The following LANCL3 variants were observed in gnomAD, a reference collection of about 807,000 sequenced individuals.
The protein encoded by LANCL3 is LanC like family member 3.
A neutral mutation model predicts 26.5 loss-of-function variants in LANCL3; 19 were observed. The ratio of observed to expected loss-of-function variants is 0.72; its 90% CI spans 0.50 to 1.05. LANCL3 has a LOEUF of 1.05. Among genes scored for constraint, LANCL3 ranks in the 50% least tolerant of loss-of-function variants. The probability of loss-of-function intolerance (pLI) is 0.00; values close to 1 mark genes in which losing one functional copy is unlikely to be tolerated. For synonymous variants in LANCL3, 160 were observed against 166.6 expected (o/e 0.96, Z 0.30); for missense variants, 318 against 362.7 (o/e 0.88, Z 1.00).
intron 2 of LANCL3, among the ~76,000 whole-genome samples, chrX:37,658,734 G>C (rs1204997068): frequency 8.9e-6 from 1 of 112,071 alleles, no homozygotes; most frequent in Non-Finnish European, 1.9e-5. Context: ...CGTTTCATTG[G>C]ACTGGATGGA....
intron 1 of LANCL3, among the ~76,000 whole-genome samples, chrX:37,618,310 G>A (rs1925063097): frequency 8.9e-6 from 1 of 112,288 alleles, no homozygotes; most frequent in Non-Finnish European, 1.9e-5. Flanking sequence ...ACACTGAATT[G>A]CTAAAACAGT....
intron 1 of LANCL3, among the ~76,000 whole-genome samples, chrX:37,616,724 G>C (rs1556421714): frequency 2.7e-5 from 3 of 111,963 alleles, no homozygotes; most frequent in Non-Finnish European, 5.6e-5. Flanking sequence ...CAGGAACAAG[G>C]TTAACAGTAG....
At chrX:37,583,829 C>T (rs1923975008) in intron 1 of LANCL3, among the ~76,000 whole-genome samples, 1 of 111,833 alleles carries the variant, frequency 8.9e-6, no homozygotes. Flanking sequence ...TGCCTGATTG[C>T]CCTGGCCAGA....
intron 1 of LANCL3, among the ~76,000 whole-genome samples, chrX:37,622,362 T>C (rs782537221): frequency 1.0e-4 from 11 of 108,080 alleles, no homozygotes; most frequent in South Asian, 4.0e-4. Flanking sequence ...ATAATGGAGA[T>C]TGTGCAAAAA....
At position 37,683,636 on chromosome X, in the gene LANCL3, C is replaced by T. The variant is rs1164503833; in HGVS notation, c.*7823C>T. On this transcript the variant is annotated 3_prime_UTR_variant, in exon 5 of 5. Coordinates refer to ENST00000378619, the MANE Select transcript of LANCL3 (RefSeq NM_001170331.2). The stretch of plus-strand genomic sequence containing the variant: ...GACCTCTTGCTAATTGTTATATTTC[C>T]TTAGGGGCACTTTGAGGCTCTTTCA... The T allele has an allele frequency of 1.8e-5, 2 of 111,439 alleles. No individual in the cohort carries two copies. Among genetic ancestry groups the T allele is most frequent in the East Asian group, 5.6e-4 (2 of 3,571 alleles). The allele number at this position is 111,439 out of a possible 1,213,427, so 9.2% of individuals were successfully genotyped here. A position where few individuals can be genotyped will look rare whatever the true frequency, so the allele number is the denominator to read the frequency against.
At chrX:37,598,716 C>T (rs781819449) in intron 1 of LANCL3, among the ~76,000 whole-genome samples, 22 of 112,478 alleles carry the variant, frequency 2.0e-4, no homozygotes, top group African/African-American at 6.8e-4. Context: ...TTCTTACAGT[C>T]GGACTTCTAC....
chrX:37,612,083 G>C (rs1280413836), intron 1 of LANCL3, among the ~76,000 whole-genome samples: 1 of 110,378 alleles, frequency 9.1e-6, no homozygotes, highest in Non-Finnish European at 1.9e-5. Flanking sequence ...TGGGACTACG[G>C]GCATGGGCCA....
Position 37,595,354 on chromosome X carries a change from A to G in LANCL3, c.573+22911A>G, listed in dbSNP as rs148360566. Among the ~76,000 whole-genome samples, 916 of 112,424 alleles carry G rather than the reference A, an allele frequency of 8.1e-3. 5 individuals are homozygous for G. The highest frequency in any genetic ancestry group is 0.028 in the African/African-American group (867 of 30,966). Reference sequence around the variant, plus strand: ...TAAAAATCTAAAGAAATGGCAACCTACATTTTAAAACTAGCTGTTTACATG... The same window carrying G: ...TAAAAATCTAAAGAAATGGCAACCTGCATTTTAAAACTAGCTGTTTACATG... On this transcript the variant is annotated intron_variant, in intron 1 of 4. Transcript: ENST00000378619.
intron 1 of LANCL3, among the ~76,000 whole-genome samples, chrX:37,635,351 A>T (rs1477857432): frequency 8.9e-6 from 1 of 112,144 alleles, no homozygotes; most frequent in Non-Finnish European, 1.9e-5. Context: ...AGAATATGAG[A>T]TGAAGTAAGG....
rs367786518 is a variant in LANCL3 at position 37,607,872 on chromosome X, A to G, written c.573+35429A>G. Among the ~76,000 whole-genome samples the G allele has an allele frequency of 8.9e-5, 10 of 112,490 alleles. No individual in the cohort carries two copies. The East Asian group carries it at 2.2e-3, about 25-fold the overall frequency. ...AGAAATGACAAATTCTGAGGGAGAT[A>G]AACTGTCAGGGTGCATTTACCAGCA... On this transcript the variant is annotated intron_variant, in intron 1 of 4. Transcript: ENST00000378619.
intron 1 of LANCL3, among the ~76,000 whole-genome samples, chrX:37,647,212 G>A (rs1300361531): frequency 8.1e-5 from 9 of 110,891 alleles, no homozygotes; most frequent in Non-Finnish European, 1.7e-4. Context: ...TACTTGGGAG[G>A]CTGAGGCAGG....
At chrX:37,586,264 C>A (rs1296234439) in intron 1 of LANCL3, among the ~76,000 whole-genome samples, 5 of 110,878 alleles carry the variant, frequency 4.5e-5, no homozygotes, top group Admixed American at 3.8e-4. Flanking sequence ...TGAATCTGAC[C>A]GTTATGTGTC....
intron 1 of LANCL3, among the ~76,000 whole-genome samples, chrX:37,635,512 C>T (rs782446994): frequency 9.0e-6 from 1 of 111,193 alleles, no homozygotes; most frequent in Admixed American, 9.6e-5. Context: ...CATTAAAAAC[C>T]ATAGGTAAGC....
At chrX:37,630,376 T>C (rs781823765) in intron 1 of LANCL3, among the ~76,000 whole-genome samples, 2 of 111,286 alleles carry the variant, frequency 1.8e-5, no homozygotes, top group East Asian at 5.6e-4. Context: ...TTTCTAGATA[T>C]ATAATCATGT....
At chrX:37,591,812 C>T (rs1269524971) in intron 1 of LANCL3, among the ~76,000 whole-genome samples, 2 of 108,383 alleles carry the variant, frequency 1.8e-5, no homozygotes, top group Non-Finnish European at 3.8e-5. Context: ...AAGTAGGGCT[C>T]TAAAGAAGCC....
At position 37,681,542 on chromosome X, in the gene LANCL3, C is replaced by G. The variant is rs782172805; in HGVS notation, c.*5729C>G. The G allele has an allele frequency of 2.0e-4, 22 of 111,949 alleles. No individual in the cohort carries two copies. Among genetic ancestry groups the G allele is most frequent in the Non-Finnish European group, 3.8e-4 (20 of 53,166 alleles). The allele number at this position is 111,949 out of a possible 1,213,427, so 9.2% of individuals were successfully genotyped here. A position where few individuals can be genotyped will look rare whatever the true frequency, so the allele number is the denominator to read the frequency against. ...TTTCCCCAAATGCAGCCCAGCAGTA[C>G]CATGAGCTGCCCTGTGGAAAAATTT... On this transcript the variant is annotated 3_prime_UTR_variant, in exon 5 of 5. Coordinates refer to ENST00000378619, the MANE Select transcript of LANCL3 (RefSeq NM_001170331.2).
intron 1 of LANCL3, among the ~76,000 whole-genome samples, chrX:37,633,246 G>A (rs1027619384): frequency 6.4e-5 from 7 of 109,482 alleles, no homozygotes; most frequent in African/African-American, 1.0e-4. Flanking sequence ...CCAGTTGATC[G>A]CATCGGTTCC....
chrX:37,663,908 G>A (rs1216470068), intron 3 of LANCL3, among the ~76,000 whole-genome samples: 1 of 111,728 alleles, frequency 9.0e-6, no homozygotes, highest in Non-Finnish European at 1.9e-5. Flanking sequence ...CTTACCTGGA[G>A]ACTAGCTTCA....
At chrX:37,649,330 CA>C (rs1193954807) in intron 1 of LANCL3, among the ~76,000 whole-genome samples, 1 of 111,470 alleles carries the variant, frequency 9.0e-6, no homozygotes, top group Admixed American at 9.5e-5. Context: ...TGGAAGGCAT[CA>C]TCCTCAGCAA....
Sources: allele counts gnomAD v4.1 joint callset (sites outside exome capture counted in the v4.1 genomes callset), GRCh38; gene constraint gnomAD v4.1.1; transcripts MANE v1.5; gene names NCBI Gene and HGNC (gene_info 2026-07-23, HGNC 2026-07-21).